The following ANKRD30BL variants were observed in gnomAD, a reference collection of about 807,000 sequenced individuals.
The protein encoded by ANKRD30BL is ankyrin repeat domain 30B like, also known as putative ankyrin repeat domain-containing protein 30B-like.
In ANKRD30BL, 20 loss-of-function variants were observed where a neutral mutation model predicts 18.4. The observed-to-expected ratio is 1.09, with a 90% CI of 0.77 to 1.58. The LOEUF is 1.58. Ranked by LOEUF, ANKRD30BL falls within the 40% of genes most tolerant of loss-of-function variation. The probability of loss-of-function intolerance (pLI) is 0.00; values close to 1 mark genes in which losing one functional copy is unlikely to be tolerated. For synonymous variants in ANKRD30BL, 72 were observed against 100.9 expected, an observed-to-expected ratio of 0.71 and a Z score of 1.72; for missense variants, 224 against 268.6, an observed-to-expected ratio of 0.83 and a Z score of 1.16.
intron 1 of ANKRD30BL, among the ~76,000 whole-genome samples, chr2:132,222,832 TAAAAAAAAAAAAAAAAAAA>T (rs71001178): frequency 9.5e-5 from 5 of 52,812 alleles, no homozygotes; most frequent in East Asian, 1.1e-3. Context: ...GAATGATCAA[TAAAAAAAAAAAAAAAAAAA>T]AAAAAAAAAA....
chr2:132,222,021 G>A (rs560991246), intron 1 of ANKRD30BL, among the ~76,000 whole-genome samples: 1 of 117,966 alleles, frequency 8.5e-6, no homozygotes, highest in African/African-American at 3.5e-5. Context: ...TGCCCGGCCA[G>A]CCACCCTGTC....
chr2:132,217,240 CT>C (rs1277404707), intron 1 of ANKRD30BL, among the ~76,000 whole-genome samples: 1 of 151,936 alleles, frequency 6.6e-6, no homozygotes, highest in Non-Finnish European at 1.5e-5. Flanking sequence ...CACTTTGAGG[CT>C]TTTGTTGGAA....
At chr2:132,214,237 T>C (rs559055023) in intron 1 of ANKRD30BL, among the ~76,000 whole-genome samples, 37 of 152,162 alleles carry the variant, frequency 2.4e-4, no homozygotes, top group African/African-American at 8.7e-4. Context: ...TGAACCTTCC[T>C]TTTAATTGAG....
In ANKRD30BL at chr2:132,160,504, T is replaced by A. The variant is rs184050520; in HGVS notation, c.218+984A>T. Among the ~76,000 whole-genome samples the A allele has an allele frequency of 8.8e-3, 1,329 of 150,712 alleles. 20 individuals are homozygous for A. The highest frequency in any genetic ancestry group is 0.03 in the African/African-American group (1,223 of 40,880). Reference sequence around the variant, plus strand: ...CCCAGGCTGGAGTGCAGTGGTGCGATCTCGGCTCACTCCAAGCTCTGCCTT... The same window carrying A: ...CCCAGGCTGGAGTGCAGTGGTGCGAACTCGGCTCACTCCAAGCTCTGCCTT... On this transcript the variant is annotated intron_variant, in intron 1 of 5. Coordinates refer to ENST00000409867, the MANE Select transcript of ANKRD30BL (RefSeq NM_001358416.1).
intron 1 of ANKRD30BL, among the ~76,000 whole-genome samples, chr2:132,210,763 C>T (rs1218522829): frequency 2.0e-5 from 3 of 151,284 alleles, no homozygotes; most frequent in Non-Finnish European, 4.4e-5. Flanking sequence ...CTGATGTGTG[C>T]ATTCATCTCA....
chr2:132,202,462 A>G (rs1573836877), intron 1 of ANKRD30BL, among the ~76,000 whole-genome samples: 1 of 151,886 alleles, frequency 6.6e-6, no homozygotes, highest in African/African-American at 2.4e-5. Context: ...GGACTTGAAT[A>G]TTTTAAGATA....
At chr2:132,221,406 C>T (rs778232543) in intron 1 of ANKRD30BL, among the ~76,000 whole-genome samples, 358 of 134,848 alleles carry the variant, frequency 2.7e-3, no homozygotes, top group Non-Finnish European at 3.9e-3. Context: ...CCGCCCCGTC[C>T]GGGAGGGAGG....
rs992993164 is a variant in ANKRD30BL, at chr2:132,161,622, G to C, written c.84C>G (p.Asn28Lys). 6.2e-6 allele frequency: 9 copies of C among 1,452,008 alleles called. No homozygotes were observed. The African/African-American group carries it at 1.1e-4, about 18-fold the overall frequency. The allele number at this position is 1,452,008 out of a possible 1,614,324, so 89.9% of individuals were successfully genotyped here. ...PSPFSQLVYTNNDSYVIHHGD... is the reference protein window; with the variant it reads ...PSPFSQLVYTKNDSYVIHHGD... ...CATGGTGAATCACGTAAGAGTCGTT[G>C]TTGGTGTAGACCAGCTGACTGAAGG... The change falls in exon 1 of 6, where the codon AAC (asparagine) becomes AAG (lysine). Residue 28 changes from asparagine to lysine, a missense_variant. Around this residue, in one of 3 missense-constraint regions of ANKRD30BL, gnomAD observed 131 missense variants for 128.8 expected, o/e 1.02. Coordinates refer to ENST00000409867, the MANE Select transcript of ANKRD30BL (RefSeq NM_001358416.1).
At chr2:132,209,934 G>A (rs62164417) in intron 1 of ANKRD30BL, among the ~76,000 whole-genome samples, 3 of 136,570 alleles carry the variant, frequency 2.2e-5, no homozygotes, top group African/African-American at 8.2e-5. Context: ...TTGAAACTTT[G>A]TTTTGATTGA....
At chr2:132,203,626 C>T (rs957786574) in intron 1 of ANKRD30BL, among the ~76,000 whole-genome samples, 1 of 151,910 alleles carries the variant, frequency 6.6e-6, no homozygotes, top group Non-Finnish European at 1.5e-5. Flanking sequence ...TACAATTTCT[C>T]AGTTGAGAAA....
intron 1 of ANKRD30BL, among the ~76,000 whole-genome samples, chr2:132,205,455 G>T (rs1679192757): frequency 6.6e-6 from 1 of 151,276 alleles, no homozygotes; most frequent in Non-Finnish European, 1.5e-5. Flanking sequence ...TACAAAATTA[G>T]CTGGGCATGG....
chr2:132,199,529 G>C (rs1679050909), intron 1 of ANKRD30BL, among the ~76,000 whole-genome samples: 1 of 150,480 alleles, frequency 6.6e-6, no homozygotes, highest in African/African-American at 2.4e-5. Flanking sequence ...TTTTGTTTGA[G>C]ACAGTCTCGC....
chr2:132,222,863 A>AAAAAAAAAAC (rs1679732123), intron 1 of ANKRD30BL, among the ~76,000 whole-genome samples: 1 of 145,238 alleles, frequency 6.9e-6, no homozygotes, highest in Non-Finnish European at 1.5e-5. Context: ...AAAAAAAAAA[A>AAAAAAAAAAC]AGAAACACTG....
intron 1 of ANKRD30BL, among the ~76,000 whole-genome samples, chr2:132,176,606 G>T (rs1688370781): frequency 6.6e-6 from 1 of 151,682 alleles, no homozygotes; most frequent in African/African-American, 2.4e-5. Context: ...GCAAGACTCT[G>T]TATTCAAAAA....
chr2:132,252,970 C>T (rs190953642), intron 1 of ANKRD30BL, among the ~76,000 whole-genome samples: 2 of 152,014 alleles, frequency 1.3e-5, no homozygotes, highest in Non-Finnish European at 2.9e-5. Flanking sequence ...CCCTTCCCCA[C>T]GCCACCCAAC....
At chr2:132,222,003 A>G (rs1679702314) in intron 1 of ANKRD30BL, among the ~76,000 whole-genome samples, 2 of 113,562 alleles carry the variant, frequency 1.8e-5, no homozygotes, top group South Asian at 6.3e-4. Flanking sequence ...GGAAGTGAGG[A>G]GCCCCTCTGC....
chr2:132,202,651 A>G (rs1347272814), intron 1 of ANKRD30BL, among the ~76,000 whole-genome samples: 3 of 152,164 alleles, frequency 2.0e-5, no homozygotes, highest in Non-Finnish European at 4.4e-5. Flanking sequence ...AATTTTAAAA[A>G]CAATGCAAAC....
At chr2:132,225,021 T>G (rs1679803257) in intron 1 of ANKRD30BL, among the ~76,000 whole-genome samples, 2 of 152,056 alleles carry the variant, frequency 1.3e-5, no homozygotes, top group African/African-American at 2.4e-5. Context: ...GAAACTTCTG[T>G]GTGCTGTTTG....
At chr2:132,160,741 T>G (rs1573805885) in intron 1 of ANKRD30BL, among the ~76,000 whole-genome samples, 1 of 152,126 alleles carries the variant, frequency 6.6e-6, no homozygotes, top group Admixed American at 6.5e-5. Flanking sequence ...GCCCATTTTG[T>G]GCAAATTAAT....
Sources: gnomAD v4.1 joint callset for allele counts (sites outside exome capture counted in the v4.1 genomes callset) on GRCh38, gnomAD v4.1.1 for gene constraint, gnomAD v4.1.1 regional missense constraint, MANE v1.5 for transcripts, NCBI Gene and HGNC (gene_info 2026-07-23, HGNC 2026-07-21) for gene names.